Variants in KCNB2 observed in about 807,000 individuals in gnomAD.
KCNB2 encodes the protein delayed rectifier potassium channel protein.
In KCNB2, 15 loss-of-function variants were observed where a neutral mutation model predicts 61.5. That is an observed-to-expected ratio of 0.24 (90% confidence interval 0.16 to 0.38). KCNB2 has a LOEUF of 0.38. KCNB2 is among the 10% of genes least tolerant of loss of function. The pLI is 1.00. For synonymous variants in KCNB2, 457 were observed against 446.0 expected (o/e 1.02, Z -0.31); for missense variants, 828 against 1,125.2 (o/e 0.74, Z 3.78).
intron 2 of KCNB2, among the ~76,000 whole-genome samples, chr8:72,675,263 G>A (rs2245934): frequency 0.019 from 2,853 of 152,248 alleles, 50 homozygotes; most frequent in Non-Finnish European, 0.03. Flanking sequence ...GTTTCCTGAT[G>A]GAAGCAATGA....
intron 2 of KCNB2, among the ~76,000 whole-genome samples, chr8:72,810,917 G>C (rs1251980687): frequency 6.6e-6 from 1 of 152,190 alleles, no homozygotes; most frequent in Non-Finnish European, 1.5e-5. Flanking sequence ...TGTTATGTCA[G>C]TTATGGTCAT....
intron 2 of KCNB2, among the ~76,000 whole-genome samples, chr8:72,821,641 C>CAAAAAAAAAAAAAAAAAAAAAAAA (rs61090576): frequency 4.0e-5 from 5 of 125,752 alleles, no homozygotes; most frequent in Non-Finnish European, 8.1e-5. Context: ...CAAAAAAAAA[C>CAAAAAAAAAAAAAAAAAAAAAAAA]AAAAAAAAAA....
intron 1 of KCNB2, among the ~76,000 whole-genome samples, chr8:72,566,066 G>T (rs895774139): frequency 4.6e-5 from 7 of 152,100 alleles, no homozygotes; most frequent in Non-Finnish European, 8.8e-5. Context: ...TAGTTAGTCA[G>T]AAGGAAACAA....
chr8:72,835,862 T>C (rs1207983167), intron 2 of KCNB2, among the ~76,000 whole-genome samples: 1 of 152,316 alleles, frequency 6.6e-6, no homozygotes, highest in East Asian at 1.9e-4. Flanking sequence ...CAACAGGTGC[T>C]GCGCTAGCTG....
Position 72,567,795 on chromosome 8 carries a change from C to G in KCNB2, c.61C>G (p.Pro21Ala), listed in dbSNP as rs756118503. ...GACTTCAAGGTCGACACTTTCCCTT[C>G]CTCCAGAGCCTGTGGACATTATCCG... ...RKTSRSTLSL[P>A]PEPVDIIRSK... is the part of the protein sequence containing the mutation. Residue 21 changes from proline to alanine, a missense_variant, in exon 2 of 3, where the codon CCT (proline) becomes GCT (alanine). By Grantham distance (27) the Pro-to-Ala change is conservative (BLOSUM62 -1). Transcript: ENST00000523207. 1 of 1,610,058 alleles carries G rather than the reference C, an allele frequency of 6.2e-7. No homozygotes were observed. Among genetic ancestry groups the G allele is most frequent in the East Asian group, 2.2e-5 (1 of 44,836 alleles).
chr8:72,614,237 G>A (rs1805583636), intron 2 of KCNB2, among the ~76,000 whole-genome samples: 1 of 152,232 alleles, frequency 6.6e-6, no homozygotes, highest in African/African-American at 2.4e-5. Flanking sequence ...CAAACAGCAA[G>A]GAAACACCTT....
At chr8:72,666,652 GTTT>G (rs35646824) in intron 2 of KCNB2, among the ~76,000 whole-genome samples, 20 of 119,214 alleles carry the variant, frequency 1.7e-4, no homozygotes, top group African/African-American at 3.3e-4. Context: ...AAAATAAAAA[GTTT>G]TTTTTTTTTT....
intron 2 of KCNB2, among the ~76,000 whole-genome samples, chr8:72,809,154 G>T (rs1486911766): frequency 6.6e-6 from 1 of 152,122 alleles, no homozygotes; most frequent in Non-Finnish European, 1.5e-5. Flanking sequence ...CAGAAAAGCT[G>T]CCTTTAGATC....
chr8:72,794,564 C>CAAAAAAA (rs397892520), intron 2 of KCNB2, among the ~76,000 whole-genome samples: 1 of 56,956 alleles, frequency 1.8e-5, no homozygotes, highest in African/African-American at 7.1e-5. Context: ...GACTCCATCT[C>CAAAAAAA]AAAAAAAAAA....
chr8:72,708,069 T>C (rs897883420), intron 2 of KCNB2, among the ~76,000 whole-genome samples: 2 of 152,092 alleles, frequency 1.3e-5, no homozygotes, highest in African/African-American at 4.8e-5. Context: ...TCCAGACCAA[T>C]GTGACACCAT....
At chr8:72,696,946 G>A (rs1207144480) in intron 2 of KCNB2, among the ~76,000 whole-genome samples, 1 of 152,138 alleles carries the variant, frequency 6.6e-6, no homozygotes, top group African/African-American at 2.4e-5. Flanking sequence ...TTAAAATGGA[G>A]TTATCCTCCC....
chr8:72,919,206 A>G lies in KCNB2; in HGVS notation c.580-16729A>G, dbSNP rs546830971. On this transcript the variant is annotated intron_variant, in intron 2 of 2. Coordinates refer to ENST00000523207, the MANE Select transcript of KCNB2 (RefSeq NM_004770.3). ...ATGAGAATTTTTCACTTCTTTACATATTTAAGCATCTTCAGCACTATACGG... is the reference window on the plus strand; with the variant it reads ...ATGAGAATTTTTCACTTCTTTACATGTTTAAGCATCTTCAGCACTATACGG... Among the ~76,000 whole-genome samples the G allele has an allele frequency of 2.6e-5, 4 of 152,324 alleles. No homozygotes were observed. The East Asian group carries it at 7.7e-4, about 29-fold the overall frequency.
At chr8:72,577,638 C>A (rs186621013) in intron 2 of KCNB2, among the ~76,000 whole-genome samples, 122 of 152,272 alleles carry the variant, frequency 8.0e-4, no homozygotes, top group African/African-American at 2.8e-3. Context: ...CCCTAGATTT[C>A]ACGCTTTAAC....
intron 1 of KCNB2, among the ~76,000 whole-genome samples, chr8:72,561,992 T>G (rs1365948830): frequency 6.6e-6 from 1 of 151,306 alleles, no homozygotes; most frequent in Non-Finnish European, 1.5e-5. Context: ...GAAACATAGT[T>G]TCTACAGAAA....
At chr8:72,561,767 A>G (rs796235922) in intron 1 of KCNB2, among the ~76,000 whole-genome samples, 4,530 of 27,320 alleles carry the variant, frequency 0.17, 937 homozygotes, top group African/African-American at 0.27. Flanking sequence ...ATATGGATAT[A>G]TATATATATG....
At chr8:72,699,313 G>C (rs576397799) in intron 2 of KCNB2, among the ~76,000 whole-genome samples, 1 of 152,044 alleles carries the variant, frequency 6.6e-6, no homozygotes, top group South Asian at 2.1e-4. Context: ...TTATCTCGTT[G>C]TGGTTTTGAT....
intron 2 of KCNB2, among the ~76,000 whole-genome samples, chr8:72,791,676 A>G (rs374456045): frequency 2.0e-5 from 3 of 152,184 alleles, no homozygotes; most frequent in East Asian, 1.9e-4. Flanking sequence ...TTGATGAAGC[A>G]TCTTCATCAG....
chr8:72,783,564 G>A (rs1808799246), intron 2 of KCNB2, among the ~76,000 whole-genome samples: 11 of 152,060 alleles, frequency 7.2e-5, no homozygotes, highest in Non-Finnish European at 1.5e-5. Flanking sequence ...GGCTGTTGCT[G>A]AGCCACTATC....
intron 2 of KCNB2, chr8:72,618,874 G>A (rs972760920): frequency 7.1e-6 from 2 of 280,566 alleles, no homozygotes; most frequent in Admixed American, 8.1e-5. Flanking sequence ...ATGGTCTATC[G>A]TTTTAACTCT....
Sources: gnomAD v4.1 joint callset for allele counts (sites outside exome capture counted in the v4.1 genomes callset) on GRCh38, gnomAD v4.1.1 for gene constraint, MANE v1.5 for transcripts, NCBI Gene and HGNC (gene_info 2026-07-23, HGNC 2026-07-21) for gene names.